Variants in ZNF385D observed in about 807,000 individuals in gnomAD.
The protein encoded by ZNF385D is zinc finger protein 659.
In ZNF385D, 15 loss-of-function variants were observed where a neutral mutation model predicts 35.8. The observed-to-expected ratio is 0.42, with a 90% CI of 0.28 to 0.64. The LOEUF (loss-of-function observed/expected upper bound fraction) is 0.64, where lower values mean the gene tolerates loss of function less well. Ranked by LOEUF, ZNF385D falls within the 30% of genes least tolerant of loss-of-function variation. The probability of loss-of-function intolerance (pLI) is 0.23; values close to 1 mark genes in which losing one functional copy is unlikely to be tolerated. For missense variants in ZNF385D, 474 were observed against 494.6 expected, an observed-to-expected ratio of 0.96 and a Z score of 0.39; for synonymous variants, 212 against 186.8, an observed-to-expected ratio of 1.13 and a Z score of -1.10.
At chr3:22,330,211 A>T (rs925837870) in intron 2 of ZNF385D, among the ~76,000 whole-genome samples, 1 of 152,092 alleles carries the variant, frequency 6.6e-6, no homozygotes, top group African/African-American at 2.4e-5. Context: ...TTACACTTTC[A>T]TTTTTAATTT....
intron 2 of ZNF385D, among the ~76,000 whole-genome samples, chr3:22,189,494 A>T (rs1695872794): frequency 6.6e-6 from 1 of 152,158 alleles, no homozygotes; most frequent in Non-Finnish European, 1.5e-5. Context: ...CTCTGTTTAG[A>T]GACACAAGTG....
At chr3:22,174,575 A>C (rs2125768192) in intron 2 of ZNF385D, among the ~76,000 whole-genome samples, 1 of 152,322 alleles carries the variant, frequency 6.6e-6, no homozygotes, top group Non-Finnish European at 1.5e-5. Context: ...CATATCTAGA[A>C]GACATTTAGC....
At chr3:22,028,588 G>C (rs146658952) in intron 3 of ZNF385D, among the ~76,000 whole-genome samples, 1 of 152,302 alleles carries the variant, frequency 6.6e-6, no homozygotes, top group Non-Finnish European at 1.5e-5. Context: ...TCACTGGAGT[G>C]GACATTTACT....
chr3:21,892,801 T>G (rs1167684101), intron 3 of ZNF385D, among the ~76,000 whole-genome samples: 1 of 152,124 alleles, frequency 6.6e-6, no homozygotes, highest in Non-Finnish European at 1.5e-5. Context: ...CGCCAAGAAA[T>G]AAGATGCAGA....
At chr3:22,151,024 G>T (rs751702536) in intron 3 of ZNF385D, among the ~76,000 whole-genome samples, 1 of 152,144 alleles carries the variant, frequency 6.6e-6, no homozygotes, top group Non-Finnish European at 1.5e-5. Context: ...TGTGAATTAC[G>T]AAATAAAATA....
chr3:21,742,812 T>C (rs941420226), intron 1 of ZNF385D, among the ~76,000 whole-genome samples: 3 of 152,200 alleles, frequency 2.0e-5, no homozygotes, highest in South Asian at 2.1e-4. Flanking sequence ...CTATCACCTA[T>C]ATACCAAATT....
intron 3 of ZNF385D, among the ~76,000 whole-genome samples, chr3:22,125,942 G>A (rs1467312238): frequency 6.6e-6 from 1 of 152,012 alleles, no homozygotes; most frequent in Non-Finnish European, 1.5e-5. Flanking sequence ...GATACTTTCA[G>A]TACTGTGTTG....
At chr3:22,172,925 G>C (rs1433715568) in intron 2 of ZNF385D, among the ~76,000 whole-genome samples, 1 of 152,144 alleles carries the variant, frequency 6.6e-6, no homozygotes, top group Non-Finnish European at 1.5e-5. Context: ...CATCTAAACA[G>C]TGTGGTACAG....
At chr3:21,786,419 A>G (rs1575647797) in intron 3 of ZNF385D, among the ~76,000 whole-genome samples, 1 of 152,098 alleles carries the variant, frequency 6.6e-6, no homozygotes, top group Non-Finnish European at 1.5e-5. Context: ...TTGCTTTGGC[A>G]TATTTCAGAT....
At chr3:21,521,184 C>T (rs1707879060) in intron 3 of ZNF385D, among the ~76,000 whole-genome samples, 1 of 152,166 alleles carries the variant, frequency 6.6e-6, no homozygotes, top group Non-Finnish European at 1.5e-5. Context: ...TAATGGCTTA[C>T]AGTTGAGCCA....
At chr3:22,315,810 C>A (rs1703855535) in intron 2 of ZNF385D, among the ~76,000 whole-genome samples, 2 of 152,052 alleles carry the variant, frequency 1.3e-5, no homozygotes, top group African/African-American at 4.8e-5. Flanking sequence ...ATGATAATAG[C>A]CCCTCCCTAA....
chr3:22,261,895 C>G (rs1700651621), intron 2 of ZNF385D, among the ~76,000 whole-genome samples: 1 of 151,934 alleles, frequency 6.6e-6, no homozygotes. Flanking sequence ...TTTCCATCTC[C>G]TATTGATGTA....
At chr3:21,936,149 G>C (rs752155733) in intron 3 of ZNF385D, among the ~76,000 whole-genome samples, 1 of 152,104 alleles carries the variant, frequency 6.6e-6, no homozygotes, top group Non-Finnish European at 1.5e-5. Flanking sequence ...TAGATCTAAG[G>C]TGATTCAAGA....
chr3:21,817,256 T>C (rs1413716770), intron 3 of ZNF385D, among the ~76,000 whole-genome samples: 1 of 152,192 alleles, frequency 6.6e-6, no homozygotes, highest in Non-Finnish European at 1.5e-5. Flanking sequence ...GGCAATACCA[T>C]TCAGGACATA....
chr3:21,472,876 G>T (rs932856614), intron 4 of ZNF385D, among the ~76,000 whole-genome samples: 1 of 152,036 alleles, frequency 6.6e-6, no homozygotes, highest in African/African-American at 2.4e-5. Context: ...AGCCTCTCAT[G>T]GTTCTGAGTG....
rs575098922 is a variant in ZNF385D, at chr3:21,675,618, C to CTA, written c.23-10592_23-10591dup. Among the ~76,000 whole-genome samples the CTA allele has an allele frequency of 8.5e-5, 13 of 152,112 alleles. No homozygotes were observed. The East Asian group carries it at 2.5e-3, about 30-fold the overall frequency. On this transcript the variant is annotated intron_variant, in intron 1 of 7. Transcript: ENST00000281523. The stretch of plus-strand genomic sequence containing the variant: ...AGAGAAAAAATGTATAAACAAAAAG[C>CTA]TAGTTTCAATTAAACTTTGCCAGAG...
At chr3:21,711,234 G>C (rs977466833) in intron 1 of ZNF385D, among the ~76,000 whole-genome samples, 3 of 151,466 alleles carry the variant, frequency 2.0e-5, no homozygotes, top group Non-Finnish European at 2.9e-5. Context: ...GTAGAGTCAG[G>C]GTTTCACCGT....
At chr3:21,730,051 T>G (rs377589691) in intron 1 of ZNF385D, among the ~76,000 whole-genome samples, 8 of 152,316 alleles carry the variant, frequency 5.3e-5, no homozygotes, top group African/African-American at 1.9e-4. Context: ...CAACTAACGT[T>G]GGATTATACA....
intron 3 of ZNF385D, among the ~76,000 whole-genome samples, chr3:22,008,065 G>T (rs559388791): frequency 1.2e-4 from 18 of 152,088 alleles, no homozygotes; most frequent in African/African-American, 3.6e-4. Context: ...AGAGTTTGAT[G>T]AGAAGTAGAA....
Sources: allele counts gnomAD v4.1 joint callset (sites outside exome capture counted in the v4.1 genomes callset), GRCh38; gene constraint gnomAD v4.1.1; transcripts MANE v1.5; gene names NCBI Gene and HGNC (gene_info 2026-07-23, HGNC 2026-07-21).